Variants in BCL2 observed in about 807,000 individuals in gnomAD.
The protein encoded by BCL2 is apoptosis regulator Bcl-2.
A neutral mutation model predicts 14.2 loss-of-function variants in BCL2; 1 was observed. The ratio of observed to expected loss-of-function variants is 0.07; its 90% confidence interval spans 0.02 to 0.33. The LOEUF is 0.33. Ranked by LOEUF, BCL2 falls within the 10% of genes least tolerant of loss-of-function variation. BCL2 has a pLI of 0.99. For missense variants in BCL2, 247 were observed against 305.9 expected (o/e 0.81, Z 1.44); for synonymous variants, 151 against 137.2 (o/e 1.10, Z -0.70).
chr18:63,218,609 C>G, intron 2 of BCL2, among the ~76,000 whole-genome samples: 1 of 127,088 alleles, frequency 7.9e-6, no homozygotes, highest in African/African-American at 3.0e-5. Context: ...CCACCATCCA[C>G]TCATCCCCCT....
At position 63,127,274 on chromosome 18, in the gene BCL2, CACAGCCAACGTGCCATGTGCT is replaced by C. The variant is rs1358661550; in HGVS notation, c.*1330_*1350del. On this transcript the variant is annotated 3_prime_UTR_variant, in exon 3 of 3. Transcript: ENST00000333681. ...TAAACTCACAGGTGGGCCAAGGCCA[CACAGCCAACGTGCCATGTGCT>C]ACAGCCAAAATGGGCCGTGGCCATT... 4.3e-6 allele frequency: 1 copy of C among 231,518 alleles called. No homozygotes were observed. Among genetic ancestry groups the C allele is most frequent in the Non-Finnish European group, 8.5e-6 (1 of 116,968 alleles). 14.3% of individuals were successfully genotyped at this position (231,518 alleles called of 1,614,324 possible).
At chr18:63,197,866 T>A (rs1360518581) in intron 2 of BCL2, among the ~76,000 whole-genome samples, 1 of 151,482 alleles carries the variant, frequency 6.6e-6, no homozygotes, top group Non-Finnish European at 1.5e-5. Flanking sequence ...CAAATGGGAG[T>A]GGAGAGTAGA....
intron 2 of BCL2, among the ~76,000 whole-genome samples, chr18:63,300,761 C>T (rs1056540646): frequency 2.0e-5 from 3 of 152,138 alleles, no homozygotes; most frequent in African/African-American, 7.2e-5. Flanking sequence ...ACTCCAGGAG[C>T]CGTAGAGATC....
chr18:63,128,524 C>A lies in BCL2; in HGVS notation c.*101G>T. 1 of 680,860 alleles carries A rather than the reference C, an allele frequency of 1.5e-6. No individual in the cohort carries two copies. The highest frequency in any genetic ancestry group is 2.7e-6 in the Non-Finnish European group (1 of 366,130). 42.2% of individuals were successfully genotyped at this position (680,860 alleles called of 1,614,324 possible). ...TATATGTGTGTTATTTTTTCTTAAA[C>A]AGCCTGCAGCTTTGTTTCATGGTAC... On this transcript the variant is annotated 3_prime_UTR_variant, in exon 3 of 3. Coordinates refer to ENST00000333681, the MANE Select transcript of BCL2 (RefSeq NM_000633.3).
At chr18:63,263,754 T>C (rs117287939) in intron 2 of BCL2, among the ~76,000 whole-genome samples, 60 of 152,294 alleles carry the variant, frequency 3.9e-4, no homozygotes, top group Non-Finnish European at 6.8e-4. Flanking sequence ...ATGGGATCAA[T>C]GTCAAGTTAC....
intron 2 of BCL2, among the ~76,000 whole-genome samples, chr18:63,278,687 G>A (rs748067191): frequency 1.8e-4 from 27 of 152,114 alleles, no homozygotes; most frequent in East Asian, 1.9e-4. Flanking sequence ...GCAAGACCTC[G>A]TTGCAGCAGT....
At chr18:63,195,802 C>G (rs1009263084) in intron 2 of BCL2, among the ~76,000 whole-genome samples, 1 of 152,016 alleles carries the variant, frequency 6.6e-6, no homozygotes, top group Admixed American at 6.5e-5. Flanking sequence ...TAGGGCCTGC[C>G]TAAAAAAGCC....
intron 2 of BCL2, among the ~76,000 whole-genome samples, chr18:63,236,162 C>G (rs953621164): frequency 2.6e-5 from 4 of 152,180 alleles, no homozygotes; most frequent in Non-Finnish European, 5.9e-5. Flanking sequence ...TCATGTAAGA[C>G]GTGCCTTTGC....
chr18:63,163,794 T>C (rs1423896606), intron 2 of BCL2, among the ~76,000 whole-genome samples: 1 of 152,206 alleles, frequency 6.6e-6, no homozygotes, highest in Non-Finnish European at 1.5e-5. Context: ...ACTTCACACA[T>C]GAGGAGATCA....
chr18:63,181,729 G>A (rs1488472008), intron 2 of BCL2, among the ~76,000 whole-genome samples: 3 of 152,214 alleles, frequency 2.0e-5, no homozygotes, highest in Non-Finnish European at 2.9e-5. Context: ...CAACCTGCAA[G>A]TACGATTTGA....
intron 2 of BCL2, among the ~76,000 whole-genome samples, chr18:63,145,673 C>G (rs768377670): frequency 6.6e-6 from 1 of 152,236 alleles, no homozygotes; most frequent in Non-Finnish European, 1.5e-5. Flanking sequence ...GTTTGCAAGG[C>G]AAGTTTGTGA....
intron 2 of BCL2, among the ~76,000 whole-genome samples, chr18:63,213,761 T>C (rs1741373485): frequency 6.6e-6 from 1 of 152,172 alleles, no homozygotes; most frequent in South Asian, 2.1e-4. Context: ...CATTATCATA[T>C]AGAGGCCCTT....
chr18:63,261,700 ATC>A (rs1911664067), intron 2 of BCL2, among the ~76,000 whole-genome samples: 1 of 152,142 alleles, frequency 6.6e-6, no homozygotes, highest in Non-Finnish European at 1.5e-5. Context: ...AAAATGTCCT[ATC>A]CTGTCTTAAA....
chr18:63,214,306 T>G (rs1039046254), intron 2 of BCL2, among the ~76,000 whole-genome samples: 1 of 152,136 alleles, frequency 6.6e-6, no homozygotes, highest in Non-Finnish European at 1.5e-5. Context: ...TGTGCCACCA[T>G]CTCTGTAGGG....
chr18:63,133,240 C>G (rs755526680), intron 2 of BCL2, among the ~76,000 whole-genome samples: 33 of 152,158 alleles, frequency 2.2e-4, no homozygotes, highest in Non-Finnish European at 3.7e-4. Context: ...GTGTCCTCAC[C>G]CCTCCGGGCC....
intron 2 of BCL2, among the ~76,000 whole-genome samples, chr18:63,260,950 C>T (rs150635180): frequency 1.6e-4 from 25 of 152,290 alleles, no homozygotes; most frequent in African/African-American, 6.0e-4. Context: ...GTACAAATCA[C>T]TTTTCCACAA....
At chr18:63,209,338 G>A (rs978859184) in intron 2 of BCL2, among the ~76,000 whole-genome samples, 2 of 152,140 alleles carry the variant, frequency 1.3e-5, no homozygotes, top group African/African-American at 2.4e-5. Flanking sequence ...GTAGATGTCC[G>A]CCTATGTCAT....
intron 2 of BCL2, among the ~76,000 whole-genome samples, chr18:63,169,529 C>G (rs750697842): frequency 1.1e-5 from 1 of 91,064 alleles, no homozygotes; most frequent in Non-Finnish European, 2.0e-5. Flanking sequence ...TCTTTTTTTT[C>G]TTCCTTCCTT....
chr18:63,222,927 A>G (rs1005793), intron 2 of BCL2, among the ~76,000 whole-genome samples: 18,127 of 152,208 alleles, frequency 0.12, 1,669 homozygotes, highest in African/African-American at 0.26. Flanking sequence ...AATAACAGTA[A>G]TAAGATTTTA....
Sources: allele counts gnomAD v4.1 joint callset (sites outside exome capture counted in the v4.1 genomes callset), GRCh38; gene constraint gnomAD v4.1.1; transcripts MANE v1.5; gene names NCBI Gene and HGNC (gene_info 2026-07-23, HGNC 2026-07-21).